The following CARMIL1 variants were observed in gnomAD, a reference collection of about 807,000 sequenced individuals.
CARMIL1 encodes the protein F-actin-uncapping protein LRRC16A.
Under a neutral mutation model 177.1 loss-of-function variants are expected in CARMIL1, and 90 were observed. That is an observed-to-expected ratio of 0.51 (90% CI 0.43 to 0.61). The LOEUF is 0.61. CARMIL1 is among the 20% of genes least tolerant of loss of function. CARMIL1 has a pLI of 0.00. For missense variants in CARMIL1, 1,380 were observed against 1,667.0 expected, an observed-to-expected ratio of 0.83 and a Z score of 3.00; for synonymous variants, 577 against 606.2, an observed-to-expected ratio of 0.95 and a Z score of 0.71.
At chr6:25,611,439 T>G (rs892035104) in intron 36 of CARMIL1, among the ~76,000 whole-genome samples, 34 of 152,240 alleles carry the variant, frequency 2.2e-4, no homozygotes, top group African/African-American at 8.0e-4. Context: ...TCAGAGAGAC[T>G]TGAGCCTGCA....
intron 2 of CARMIL1, among the ~76,000 whole-genome samples, chr6:25,323,214 G>A (rs1784816240): frequency 6.6e-6 from 1 of 151,806 alleles, no homozygotes; most frequent in African/African-American, 2.4e-5. Context: ...TTGTGTGCCT[G>A]ACCTGGTGCA....
At chr6:25,311,137 G>A (rs556686006) in intron 2 of CARMIL1, among the ~76,000 whole-genome samples, 3 of 152,118 alleles carry the variant, frequency 2.0e-5, no homozygotes, top group Admixed American at 6.5e-5. Flanking sequence ...AGCCAAGATC[G>A]TGCCACTGCA....
chr6:25,490,754 A>AAATAAATAAAT (rs1582131520), intron 13 of CARMIL1, among the ~76,000 whole-genome samples: 2 of 29,560 alleles, frequency 6.8e-5, no homozygotes, highest in African/African-American at 1.6e-4. Flanking sequence ...AATAAATAAA[A>AAATAAATAAAT]AAAAATAAAT....
chr6:25,543,370 A>C (rs1809103743), intron 26 of CARMIL1, among the ~76,000 whole-genome samples: 1 of 152,180 alleles, frequency 6.6e-6, no homozygotes, highest in Admixed American at 6.5e-5. Flanking sequence ...TTCCTGGAGG[A>C]GAGAAAAGCA....
At chr6:25,433,931 AG>A (rs1200611381) in intron 4 of CARMIL1, among the ~76,000 whole-genome samples, 3 of 152,246 alleles carry the variant, frequency 2.0e-5, no homozygotes, top group African/African-American at 7.2e-5. Flanking sequence ...GGAAAATGTA[AG>A]GCAAAATCTA....
At chr6:25,451,985 T>TGC in intron 8 of CARMIL1, 1 of 105,384 alleles carries the variant, frequency 9.5e-6, no homozygotes, top group Non-Finnish European at 1.8e-5. Flanking sequence ...ACTAGCATCT[T>TGC]GCCCCCCCCT....
intron 17 of CARMIL1, among the ~76,000 whole-genome samples, chr6:25,502,151 A>G (rs1474830186): frequency 1.3e-5 from 2 of 151,628 alleles, no homozygotes; most frequent in African/African-American, 2.4e-5. Flanking sequence ...GTTTACCAGC[A>G]CTTTACTGAG....
intron 29 of CARMIL1, among the ~76,000 whole-genome samples, chr6:25,570,599 C>G (rs1319398268): frequency 6.6e-6 from 1 of 152,152 alleles, no homozygotes; most frequent in East Asian, 1.9e-4. Flanking sequence ...CTGTGCAGAT[C>G]TGGAAAATAA....
chr6:25,369,666 C>G (rs1486669004), intron 2 of CARMIL1, among the ~76,000 whole-genome samples: 3 of 152,116 alleles, frequency 2.0e-5, no homozygotes, highest in African/African-American at 7.2e-5. Flanking sequence ...CCTCTTTCAC[C>G]AGAACTCTCG....
intron 24 of CARMIL1, among the ~76,000 whole-genome samples, chr6:25,533,702 A>G (rs150551): frequency 0.26 from 39,827 of 151,690 alleles, 5,376 homozygotes; most frequent in East Asian, 0.32. Flanking sequence ...TCATATCCCC[A>G]ATGCAGGATT....
At chr6:25,466,026 AT>A in intron 9 of CARMIL1, 78 bp downstream of exon 9, 2 of 983,402 alleles carry the variant, frequency 2.0e-6, no homozygotes, top group South Asian at 1.3e-5. Context: ...GAAAAAAACA[AT>A]TTTTTTACTG....
At chr6:25,486,426 T>G (rs1275927629) in intron 12 of CARMIL1, among the ~76,000 whole-genome samples, 1 of 152,174 alleles carries the variant, frequency 6.6e-6, no homozygotes, top group Non-Finnish European at 1.5e-5. Context: ...AGGACTAATT[T>G]AGCCTTCTAT....
At chr6:25,503,282 G>A (rs1395001799) in intron 17 of CARMIL1, among the ~76,000 whole-genome samples, 3 of 152,158 alleles carry the variant, frequency 2.0e-5, no homozygotes, top group Non-Finnish European at 4.4e-5. Flanking sequence ...CTGAATCACA[G>A]TACTGGTGAC....
chr6:25,281,606 C>T (rs1209293084), intron 1 of CARMIL1, among the ~76,000 whole-genome samples: 1 of 151,992 alleles, frequency 6.6e-6, no homozygotes, highest in African/African-American at 2.4e-5. Flanking sequence ...TTAAGTATTG[C>T]CTATCTCTTT....
chr6:25,341,529 G>A (rs1277543994), intron 2 of CARMIL1, among the ~76,000 whole-genome samples: 2 of 152,196 alleles, frequency 1.3e-5, no homozygotes, highest in Admixed American at 6.5e-5. Context: ...TTCAAGACCA[G>A]CCAGGCCAAC....
chr6:25,580,987 T>C lies in CARMIL1; in HGVS notation c.2806T>C (p.Phe936Leu). The stretch of plus-strand genomic sequence containing the variant: ...AATGCTGCGGCCTGTTTCTAGGGCT[T>C]TTGGTAAGTGTTTTGCTGCTGCCAA... The part of the protein sequence containing the change: ...SRMLRPVSRA[F>L]EMEFDLDKAL... Residue 936 changes from phenylalanine to leucine, a missense_variant, in exon 30 of 37, where the codon TTT becomes CTT. By Grantham distance (22) the Phe-to-Leu change is conservative. Transcript: ENST00000329474. The C allele has an allele frequency of 6.3e-7, 1 of 1,595,158 alleles. No individual in the cohort carries two copies. Among genetic ancestry groups the C allele is most frequent in the Non-Finnish European group, 8.5e-7 (1 of 1,169,998 alleles).
chr6:25,611,642 A>G (rs753552481), intron 36 of CARMIL1, among the ~76,000 whole-genome samples: 3 of 152,264 alleles, frequency 2.0e-5, no homozygotes, highest in Non-Finnish European at 4.4e-5. Flanking sequence ...ATGTTCATCT[A>G]TCTTGTCTGA....
intron 2 of CARMIL1, among the ~76,000 whole-genome samples, chr6:25,364,397 A>G (rs1291196527): frequency 1.3e-5 from 2 of 152,178 alleles, no homozygotes; most frequent in Non-Finnish European, 2.9e-5. Flanking sequence ...GTATGCCTTT[A>G]TAACCATAGC....
At chr6:25,356,870 C>T (rs1581671803) in intron 2 of CARMIL1, among the ~76,000 whole-genome samples, 1 of 152,132 alleles carries the variant, frequency 6.6e-6, no homozygotes, top group South Asian at 2.1e-4. Flanking sequence ...TTGGACTGGA[C>T]GGATGCTCTT....
Sources: allele counts gnomAD v4.1 joint callset (sites outside exome capture counted in the v4.1 genomes callset), GRCh38; gene constraint gnomAD v4.1.1; transcripts MANE v1.5; gene names NCBI Gene and HGNC (gene_info 2026-07-23, HGNC 2026-07-21).